The following HDAC4 variants were observed in gnomAD, a reference collection of about 807,000 sequenced individuals.
HDAC4 encodes histone deacetylase A.
HDAC4 carries 16 observed loss-of-function variants against 135.1 expected under a neutral mutation model. The ratio of observed to expected loss-of-function variants is 0.12; its 90% confidence interval spans 0.08 to 0.18. The LOEUF is 0.18. HDAC4 is among the 10% of genes least tolerant of loss of function. The pLI is 1.00. For synonymous variants in HDAC4, 685 were observed against 653.4 expected, an observed-to-expected ratio of 1.05 and a Z score of -0.74; for missense variants, 1,143 against 1,511.8, an observed-to-expected ratio of 0.76 and a Z score of 4.05.
At position 239,352,375 on chromosome 2, in the gene HDAC4, A is replaced by T. The variant is rs757401456; in HGVS notation, c.22+303T>A. ...CAAGAAACCAGCTCTCCACATCACA[A>T]CCTGACCTTTCAACATCACCCTTGT... On this transcript the variant is annotated intron_variant, in intron 2 of 26. Coordinates refer to ENST00000543185, the MANE Select transcript of HDAC4 (RefSeq NM_001378414.1). This position sits in a 1 kb window ranked among gnomAD's most constrained non-coding sequence, Gnocchi z 4.4. Among the ~76,000 whole-genome samples, 12 of 151,854 alleles carry T rather than the reference A, an allele frequency of 7.9e-5. No individual in the cohort carries two copies. Among genetic ancestry groups the T allele is most frequent in the Non-Finnish European group, 1.3e-4 (9 of 67,960 alleles).
At chr2:239,076,733 C>G (rs994265913) in intron 22 of HDAC4, among the ~76,000 whole-genome samples, 1 of 152,204 alleles carries the variant, frequency 6.6e-6, no homozygotes, top group African/African-American at 2.4e-5. Flanking sequence ...CTCACTGGCT[C>G]TCCCTACTAA....
intron 22 of HDAC4, among the ~76,000 whole-genome samples, chr2:239,076,178 C>T (rs1397897140): frequency 6.6e-6 from 1 of 151,356 alleles, no homozygotes; most frequent in African/African-American, 2.4e-5. Flanking sequence ...CCCAGGGGAA[C>T]AGAGCTGGGT....
Position 239,382,901 on chromosome 2 carries a change from A to AT in HDAC4, c.-220+18076dup, listed in dbSNP as rs1170027751. Among the ~76,000 whole-genome samples the AT allele has an allele frequency of 6.6e-5, 10 of 151,294 alleles. No homozygotes were observed. The East Asian group carries it at 7.8e-4, about 12-fold the overall frequency. On this transcript the variant is annotated intron_variant, in intron 1 of 26. Coordinates refer to ENST00000543185, the MANE Select transcript of HDAC4 (RefSeq NM_001378414.1). ...CACCACGACTGGCTAACTTTTTTGT[A>AT]TTTTTTTTAGTAGAGATGGGGTTTC... is the stretch of plus-strand genomic sequence containing the variant.
intron 7 of HDAC4, among the ~76,000 whole-genome samples, chr2:239,156,356 G>A (rs1245165726): frequency 1.3e-5 from 2 of 152,240 alleles, no homozygotes; most frequent in Non-Finnish European, 2.9e-5. Context: ...ACGCCCCTCA[G>A]TGTGGCAAAA....
At chr2:239,178,749 C>T (rs954283746) in intron 4 of HDAC4, among the ~76,000 whole-genome samples, 3 of 152,232 alleles carry the variant, frequency 2.0e-5, no homozygotes, top group African/African-American at 7.2e-5. Context: ...TGAGAGGGTA[C>T]GGGATAAGCA....
intron 8 of HDAC4, chr2:239,140,745 G>A (rs145997531): frequency 3.5e-6 from 1 of 285,894 alleles, no homozygotes; most frequent in Non-Finnish European, 7.4e-6. Flanking sequence ...CCCTGGAGGG[G>A]AGGTTAAGGG....
intron 2 of HDAC4, among the ~76,000 whole-genome samples, chr2:239,315,172 G>A (rs1165360055): frequency 1.3e-5 from 2 of 152,146 alleles, no homozygotes; most frequent in Non-Finnish European, 2.9e-5. Flanking sequence ...CACACTTCGA[G>A]TTGTCCCGCG....
At chr2:239,319,894 C>CT (rs1177565402) in intron 2 of HDAC4, among the ~76,000 whole-genome samples, 1 of 151,952 alleles carries the variant, frequency 6.6e-6, no homozygotes, top group Non-Finnish European at 1.5e-5. Context: ...TATGATAAAA[C>CT]TTTTTTTTGG....
At chr2:239,178,664 G>A (rs1388735003) in intron 4 of HDAC4, among the ~76,000 whole-genome samples, 3 of 152,218 alleles carry the variant, frequency 2.0e-5, no homozygotes, top group South Asian at 2.1e-4. Context: ...GATTACGAGC[G>A]TGAGCTGCCT....
At chr2:239,370,799 C>T (rs1263441386) in intron 1 of HDAC4, among the ~76,000 whole-genome samples, 1 of 152,262 alleles carries the variant, frequency 6.6e-6, no homozygotes, top group Non-Finnish European at 1.5e-5. Context: ...CTCATCCCCG[C>T]ATCATGCTGG....
At chr2:239,377,257 G>C (rs939731900) in intron 1 of HDAC4, among the ~76,000 whole-genome samples, 3 of 152,290 alleles carry the variant, frequency 2.0e-5, no homozygotes, top group South Asian at 2.1e-4. Flanking sequence ...CAGGTTACGA[G>C]GCCGTCCACT....
At chr2:239,297,959 G>C (rs940474100) in intron 2 of HDAC4, among the ~76,000 whole-genome samples, 1 of 152,110 alleles carries the variant, frequency 6.6e-6, no homozygotes, top group African/African-American at 2.4e-5. Flanking sequence ...TCCCGGTGCC[G>C]CGGCTGCTAA....
rs1218197015 is a variant in HDAC4, at chr2:239,400,512, G to A, written c.-220+466C>T. On this transcript the variant is annotated intron_variant, in intron 1 of 26. Coordinates refer to ENST00000543185, the MANE Select transcript of HDAC4 (RefSeq NM_001378414.1). This position sits in a 1 kb window ranked among gnomAD's most constrained non-coding sequence, Gnocchi z 4.7. Reference sequence around the variant, plus strand: ...GTCCAGAAGGGGCCGGGCGGCCCTGGGGACCGGCGGGTCCCACGGCGCGCG... The same window carrying A: ...GTCCAGAAGGGGCCGGGCGGCCCTGAGGACCGGCGGGTCCCACGGCGCGCG... The A allele has an allele frequency of 1.4e-5, 2 of 145,986 alleles. No homozygotes were observed. The highest frequency in any genetic ancestry group is 2.1e-4 in the South Asian group (1 of 4,812). The allele number at this position is 145,986 out of a possible 1,614,324, so 9.0% of individuals were successfully genotyped here.
Position 239,054,801 on chromosome 2 carries a change from T to G in HDAC4, c.3036A>C (p.Gln1012His). 1 of 1,613,456 alleles carries G rather than the reference T, an allele frequency of 6.2e-7. No individual in the cohort carries two copies. The highest frequency in any genetic ancestry group is 8.5e-7 in the Non-Finnish European group (1 of 1,179,416). The change falls in exon 25 of 27, where the codon CAA (glutamine) becomes CAC (histidine). Residue 1012 changes from glutamine (Q) to histidine (H), a missense_variant. Gln to His is a conservative substitution (Grantham distance 24). This residue lies in a region of HDAC4 where 131 missense variants were observed against 130.6 expected (regional missense o/e 1.00). Transcript: ENST00000543185. ...LDPLPEKVLQQRPNANAVRSM... is the reference protein window; with the variant it reads ...LDPLPEKVLQHRPNANAVRSM... ...AACGGACAGCGTTTGCATTGGGTCT[T>G]TGCTGTAAAACCTTTTCTGGGAGAG...
intron 2 of HDAC4, among the ~76,000 whole-genome samples, chr2:239,339,314 G>A (rs1692146308): frequency 6.6e-6 from 1 of 152,216 alleles, no homozygotes; most frequent in African/African-American, 2.4e-5. Flanking sequence ...GCCGACAGAA[G>A]GCAAAAGTCA....
At chr2:239,135,902 G>A (rs115253975) in intron 9 of HDAC4, among the ~76,000 whole-genome samples, 6,800 of 152,242 alleles carry the variant, frequency 0.045, 210 homozygotes, top group Non-Finnish European at 0.069. Context: ...TTAAAGAATG[G>A]GCTTGGATAA....
upstream of HDAC4, chr2:239,401,590 G>C (rs1224667903): frequency 4.1e-6 from 1 of 245,460 alleles, no homozygotes; most frequent in Non-Finnish European, 8.0e-6. Flanking sequence ...ACACAATGGG[G>C]TGCAGGCTAA....
chr2:239,099,700 G>A (rs1448200201), intron 16 of HDAC4, among the ~76,000 whole-genome samples: 2 of 152,184 alleles, frequency 1.3e-5, no homozygotes, highest in East Asian at 1.9e-4. Context: ...GCCTCCGCTA[G>A]GTACTCCACA....
At chr2:239,170,305 T>C (rs1048119716) in intron 5 of HDAC4, among the ~76,000 whole-genome samples, 1 of 152,230 alleles carries the variant, frequency 6.6e-6, no homozygotes, top group African/African-American at 2.4e-5. Context: ...GCATTAGTTA[T>C]AACATTCATT....
Sources: gnomAD v4.1 joint callset for allele counts (sites outside exome capture counted in the v4.1 genomes callset) on GRCh38, gnomAD v4.1.1 for gene constraint, gnomAD v4.1.1 regional missense constraint, Gnocchi (gnomAD v3.1) non-coding constraint, MANE v1.5 for transcripts, NCBI Gene and HGNC (gene_info 2026-07-23, HGNC 2026-07-21) for gene names.